CSMD1: variants seen among roughly 807,000 people sequenced by gnomAD.
The protein encoded by CSMD1 is CUB and sushi domain-containing protein 1.
CSMD1 carries 213 observed loss-of-function variants against 417.5 expected under a neutral mutation model. The ratio of observed to expected loss-of-function variants is 0.51; its 90% confidence interval spans 0.46 to 0.57. The LOEUF (loss-of-function observed/expected upper bound fraction) is 0.57, where lower values mean the gene tolerates loss of function less well. Ranked by LOEUF, CSMD1 falls within the 20% of genes least tolerant of loss-of-function variation. The pLI, the probability that CSMD1 is intolerant of heterozygous loss-of-function variation, is 0.00. For missense variants in CSMD1, 6,923 were observed against 4,529.7 expected, an observed-to-expected ratio of 1.53 and a Z score of -15.17; for synonymous variants, 2,862 against 1,736.8, an observed-to-expected ratio of 1.65 and a Z score of -16.11.
intron 49 of CSMD1, among the ~76,000 whole-genome samples, chr8:3,080,319 G>A (rs568237725): frequency 1.3e-5 from 2 of 152,314 alleles, no homozygotes; most frequent in African/African-American, 4.8e-5. Flanking sequence ...GGAAACAGCT[G>A]CTTGGCAGAG....
intron 3 of CSMD1, among the ~76,000 whole-genome samples, chr8:4,183,348 C>T (rs947502253): frequency 6.6e-6 from 1 of 152,196 alleles, no homozygotes; most frequent in Non-Finnish European, 1.5e-5. Context: ...ATGATTACCA[C>T]TGAAGTAATC....
intron 7 of CSMD1, among the ~76,000 whole-genome samples, chr8:3,627,303 G>A (rs964693696): frequency 1.3e-5 from 2 of 152,112 alleles, no homozygotes; most frequent in Non-Finnish European, 2.9e-5. Flanking sequence ...ACACTTGGGA[G>A]AAGTAAAATT....
At chr8:4,162,315 G>A (rs560582548) in intron 3 of CSMD1, among the ~76,000 whole-genome samples, 1 of 152,200 alleles carries the variant, frequency 6.6e-6, no homozygotes, top group East Asian at 1.9e-4. Context: ...AAAGTTTAAT[G>A]GATTTATGTT....
At chr8:2,991,120 T>C (rs1269613316) in intron 54 of CSMD1, among the ~76,000 whole-genome samples, 1 of 152,236 alleles carries the variant, frequency 6.6e-6, no homozygotes, top group East Asian at 1.9e-4. Flanking sequence ...ATTTTCTTAT[T>C]GTCTTGTCCT....
At chr8:4,923,740 G>A (rs1344413128) in intron 1 of CSMD1, among the ~76,000 whole-genome samples, 2 of 151,988 alleles carry the variant, frequency 1.3e-5, no homozygotes, top group Admixed American at 6.6e-5. Flanking sequence ...AATTTACCAA[G>A]GAACCTTGGA....
chr8:3,088,843 T>TA (rs5888943), intron 48 of CSMD1, among the ~76,000 whole-genome samples: 53,099 of 113,910 alleles, frequency 0.47, 12,576 homozygotes, highest in East Asian at 0.66. Context: ...ACTGTGCTAG[T>TA]AAAAAAAAAA....
chr8:4,665,286 A>T (rs1804849236), intron 1 of CSMD1, among the ~76,000 whole-genome samples: 2 of 152,126 alleles, frequency 1.3e-5, no homozygotes, highest in Non-Finnish European at 2.9e-5. Context: ...CTTTTCTCTC[A>T]GATTGGCCTT....
At chr8:4,950,469 A>C (rs925354930) in intron 1 of CSMD1, among the ~76,000 whole-genome samples, 1 of 152,220 alleles carries the variant, frequency 6.6e-6, no homozygotes, top group Non-Finnish European at 1.5e-5. Flanking sequence ...AACACCTGCA[A>C]AATAGGATAA....
chr8:4,600,321 G>A (rs1168405848), intron 2 of CSMD1, among the ~76,000 whole-genome samples: 2 of 152,156 alleles, frequency 1.3e-5, no homozygotes, highest in Non-Finnish European at 2.9e-5. Flanking sequence ...GAGATGGGTA[G>A]AAATGGAAAG....
chr8:4,365,165 A>T (rs2128909498), intron 3 of CSMD1, among the ~76,000 whole-genome samples: 1 of 152,292 alleles, frequency 6.6e-6, no homozygotes, highest in African/African-American at 2.4e-5. Flanking sequence ...TTTATTTTGA[A>T]TTTGGTAGTT....
At chr8:3,241,107 G>A (rs926684983) in intron 26 of CSMD1, among the ~76,000 whole-genome samples, 2 of 151,270 alleles carry the variant, frequency 1.3e-5, no homozygotes, top group South Asian at 2.1e-4. Context: ...GCTTTGGATT[G>A]GGAAGAAGGG....
At position 4,239,640 on chromosome 8, in the gene CSMD1, A is replaced by G. The variant is rs73186190; in HGVS notation, c.415+180313T>C. Among the ~76,000 whole-genome samples the G allele has an allele frequency of 5.8e-3, 877 of 152,316 alleles. 3 individuals carry two copies. Among genetic ancestry groups the G allele is most frequent in the Non-Finnish European group, 0.01 (691 of 68,028 alleles). On this transcript the variant is annotated intron_variant, in intron 3 of 69. Coordinates refer to ENST00000635120, the MANE Select transcript of CSMD1 (RefSeq NM_033225.6). ...CCACCTAGAGAACCCAAACTGCTGC[A>G]GCCATGCTCGGGGTCACAGAGCATT...
chr8:3,968,076 C>T (rs973297020), intron 5 of CSMD1, among the ~76,000 whole-genome samples: 1 of 150,918 alleles, frequency 6.6e-6, no homozygotes, highest in African/African-American at 2.4e-5. Context: ...AGTCCCAGCT[C>T]CTCGGCAGGC....
intron 3 of CSMD1, among the ~76,000 whole-genome samples, chr8:4,227,530 T>A (rs967315373): frequency 6.6e-6 from 1 of 152,026 alleles, no homozygotes; most frequent in South Asian, 2.1e-4. Flanking sequence ...ATTATAGACC[T>A]AACTGAGAAG....
chr8:4,033,258 G>C (rs570479668), intron 3 of CSMD1, among the ~76,000 whole-genome samples: 1 of 151,516 alleles, frequency 6.6e-6, no homozygotes. Context: ...GGCTAACACG[G>C]TGAAACCCTG....
At chr8:2,993,440 C>T (rs1347488956) in intron 54 of CSMD1, among the ~76,000 whole-genome samples, 1 of 152,172 alleles carries the variant, frequency 6.6e-6, no homozygotes, top group Admixed American at 6.5e-5. Flanking sequence ...GATCCTATTA[C>T]AAAAGAGGAG....
intron 1 of CSMD1, among the ~76,000 whole-genome samples, chr8:4,701,426 C>A (rs772362704): frequency 6.6e-6 from 1 of 151,870 alleles, no homozygotes; most frequent in Non-Finnish European, 1.5e-5. Flanking sequence ...TGTGCCTGAA[C>A]CACAGCTGGA....
At chr8:3,435,389 T>A (rs1182517685) in intron 12 of CSMD1, among the ~76,000 whole-genome samples, 2 of 152,108 alleles carry the variant, frequency 1.3e-5, no homozygotes, top group Non-Finnish European at 2.9e-5. Context: ...CCGCCACCTC[T>A]CTGGAGACCT....
At chr8:4,324,216 G>A (rs1799424928) in intron 3 of CSMD1, among the ~76,000 whole-genome samples, 1 of 152,206 alleles carries the variant, frequency 6.6e-6, no homozygotes, top group Non-Finnish European at 1.5e-5. Context: ...CGGAATGTAT[G>A]ATGCATCTGC....
Sources: allele counts gnomAD v4.1 joint callset (sites outside exome capture counted in the v4.1 genomes callset), GRCh38; gene constraint gnomAD v4.1.1; transcripts MANE v1.5; gene names NCBI Gene and HGNC (gene_info 2026-07-23, HGNC 2026-07-21).